The following CACNB4 variants were observed in gnomAD, a reference collection of about 807,000 sequenced individuals.
The protein encoded by CACNB4 is voltage-dependent L-type calcium channel subunit beta-4.
Under a neutral mutation model 71.2 loss-of-function variants are expected in CACNB4, and 32 were observed. The observed-to-expected ratio is 0.45, with a 90% CI of 0.34 to 0.60. The LOEUF is 0.60. CACNB4 is among the 20% of genes least tolerant of loss of function. CACNB4 has a pLI of 0.01. For synonymous variants in CACNB4, 231 were observed against 236.9 expected (o/e 0.97, Z 0.23); for missense variants, 464 against 647.9 (o/e 0.72, Z 3.08).
intron 2 of CACNB4, among the ~76,000 whole-genome samples, chr2:151,976,102 G>T (rs939397261): frequency 6.6e-6 from 1 of 152,216 alleles, no homozygotes; most frequent in Admixed American, 6.5e-5. Flanking sequence ...GTCTGACCAG[G>T]GAGGGATGTT....
chr2:152,088,331 T>A (rs1291719691), intron 2 of CACNB4, among the ~76,000 whole-genome samples: 3 of 152,198 alleles, frequency 2.0e-5, no homozygotes, highest in African/African-American at 7.2e-5. Flanking sequence ...AGACGATATA[T>A]TTATCTGCAC....
At position 152,098,887 on chromosome 2, in the gene CACNB4, C is replaced by T; in HGVS notation, c.63+62G>A. 8.9e-7 allele frequency: 1 copy of T among 1,124,626 alleles called. No individual in the cohort carries two copies. Among genetic ancestry groups the T allele is most frequent in the Admixed American group, 4.0e-5 (1 of 25,184 alleles). The allele number at this position is 1,124,626 out of a possible 1,614,324, so 69.7% of individuals were successfully genotyped here. A position where few individuals can be genotyped will look rare whatever the true frequency, so the allele number is the denominator to read the frequency against. On this transcript the variant is annotated intron_variant, in intron 1 of 13. Transcript: ENST00000539935. The surrounding 1 kb of genome is among the most constrained non-coding windows in gnomAD (Gnocchi z 5.3). ...GGCACGAAGGCGGGGCGCGCTAGGG[C>T]GGCGGAGGAGGTGTGAGGAAGGAAG...
At chr2:151,954,506 G>C (rs988297979) in intron 2 of CACNB4, among the ~76,000 whole-genome samples, 2 of 152,152 alleles carry the variant, frequency 1.3e-5, no homozygotes, top group African/African-American at 4.8e-5. Flanking sequence ...TTATGTGTCT[G>C]ATTTCCTGAA....
At chr2:152,061,244 G>T (rs533502772) in intron 2 of CACNB4, among the ~76,000 whole-genome samples, 1 of 152,120 alleles carries the variant, frequency 6.6e-6, no homozygotes, top group East Asian at 1.9e-4. Context: ...CCCAGGGGTT[G>T]GAGGTTGCTG....
chr2:151,870,081 A>T, intron 8 of CACNB4: 2 of 596,214 alleles, frequency 3.4e-6, no homozygotes, highest in Non-Finnish European at 5.9e-6. Flanking sequence ...GCAGAGAAGG[A>T]TTTGGTGGCA....
chr2:151,983,245 A>C (rs2099875024), intron 2 of CACNB4, among the ~76,000 whole-genome samples: 2 of 152,258 alleles, frequency 1.3e-5, no homozygotes, highest in Admixed American at 6.5e-5. Context: ...TTTTGAGCTT[A>C]AGTAGATCAT....
intron 2 of CACNB4, among the ~76,000 whole-genome samples, chr2:152,079,850 A>G (rs920647812): frequency 2.6e-4 from 39 of 152,182 alleles, no homozygotes; most frequent in Non-Finnish European, 5.0e-4. Context: ...AAGTACATCC[A>G]TCACCTAGAG....
At chr2:151,850,064 G>T (rs1365875100) in intron 12 of CACNB4, 1 of 151,420 alleles carries the variant, frequency 6.6e-6, no homozygotes, top group South Asian at 2.1e-4. Context: ...AAAGTTCACC[G>T]ATCTCTCTCC....
At chr2:151,947,241 A>G (rs2099865820) in intron 2 of CACNB4, among the ~76,000 whole-genome samples, 3 of 152,232 alleles carry the variant, frequency 2.0e-5, no homozygotes, top group Admixed American at 2.0e-4. Flanking sequence ...TGCAGGCAAC[A>G]GAAGATGGAA....
At chr2:152,032,323 T>C (rs1430874209) in intron 2 of CACNB4, among the ~76,000 whole-genome samples, 1 of 152,222 alleles carries the variant, frequency 6.6e-6, no homozygotes, top group Non-Finnish European at 1.5e-5. Context: ...CCATGTCTCC[T>C]GACTCTCAGT....
At chr2:151,918,204 T>C (rs1191349874) in intron 2 of CACNB4, among the ~76,000 whole-genome samples, 1 of 152,252 alleles carries the variant, frequency 6.6e-6, no homozygotes, top group Non-Finnish European at 1.5e-5. Context: ...TATTAATATT[T>C]ATTTTTTATT....
intron 8 of CACNB4, 60 bp from the exon 9 acceptor site, chr2:151,869,295 CA>C: frequency 1.0e-6 from 1 of 988,728 alleles, no homozygotes; most frequent in Non-Finnish European, 1.6e-6. Flanking sequence ...AGAGAGAAGT[CA>C]AAAGGGAGAG....
chr2:152,088,160 CACACACACAT>C lies in CACNB4; in HGVS notation c.147+10160_147+10169del, dbSNP rs1470694370. ...CACTTAACACACACACACACACACA[CACACACACAT>C]ACACACACACACACGGCAAATTAAA... On this transcript the variant is annotated intron_variant, in intron 2 of 13. Transcript: ENST00000539935. Among the ~76,000 whole-genome samples, 31 of 150,784 alleles carry C rather than the reference CACACACACAT, an allele frequency of 2.1e-4. 1 individual carries two copies. Among genetic ancestry groups the C allele is most frequent in the African/African-American group, 4.9e-4 (20 of 40,850 alleles).
chr2:152,056,855 CT>C (rs1163875496), intron 2 of CACNB4, among the ~76,000 whole-genome samples: 1 of 151,840 alleles, frequency 6.6e-6, no homozygotes, highest in African/African-American at 2.4e-5. Flanking sequence ...TCATTGACTT[CT>C]TGTTCTCTGC....
intron 2 of CACNB4, among the ~76,000 whole-genome samples, chr2:151,988,997 T>C (rs1383276972): frequency 3.3e-5 from 5 of 152,184 alleles, no homozygotes; most frequent in Admixed American, 1.3e-4. Context: ...CAGAGGTGAA[T>C]AGAGCAACTG....
chr2:152,082,235 C>A (rs1687396771), intron 2 of CACNB4, among the ~76,000 whole-genome samples: 1 of 152,216 alleles, frequency 6.6e-6, no homozygotes, highest in Non-Finnish European at 1.5e-5. Flanking sequence ...AATTCCAGCT[C>A]TATCCCAAAT....
At position 151,838,690 on chromosome 2, in the gene CACNB4, TC is replaced by T. The variant is rs1292050251; in HGVS notation, c.*428del. 6.5e-6 allele frequency: 1 copy of T among 153,200 alleles called. No homozygotes were observed. The highest frequency in any genetic ancestry group is 1.5e-5 in the Non-Finnish European group (1 of 68,528). The allele number at this position is 153,200 out of a possible 1,614,324, so 9.5% of individuals were successfully genotyped here. On this transcript the variant is annotated 3_prime_UTR_variant, in exon 14 of 14. Transcript: ENST00000539935. ...TTTTTTTTTTTTCCCCCCAGATTTTTCAGTTGATTACAACATGCTCAAGTAG... is the reference window on the plus strand; with the variant it reads ...TTTTTTTTTTTTCCCCCCAGATTTTTAGTTGATTACAACATGCTCAAGTAG...
At chr2:152,031,557 C>T (rs1423228970) in intron 2 of CACNB4, among the ~76,000 whole-genome samples, 3 of 152,304 alleles carry the variant, frequency 2.0e-5, no homozygotes, top group South Asian at 2.1e-4. Flanking sequence ...GCAGGTCAGA[C>T]ACAGCCAGGG....
chr2:151,964,785 G>GT (rs2099870627), intron 2 of CACNB4, among the ~76,000 whole-genome samples: 1 of 152,166 alleles, frequency 6.6e-6, no homozygotes, highest in South Asian at 2.1e-4. Context: ...TTGGGTTTTA[G>GT]TTAACTAAAT....
Sources: allele counts gnomAD v4.1 joint callset (sites outside exome capture counted in the v4.1 genomes callset), GRCh38; gene constraint gnomAD v4.1.1; non-coding constraint Gnocchi (gnomAD v3.1); transcripts MANE v1.5; gene names NCBI Gene and HGNC (gene_info 2026-07-23, HGNC 2026-07-21).